The following LINGO1 variants were observed in gnomAD, a reference collection of about 807,000 sequenced individuals.
LINGO1 encodes leucine rich repeat and Ig domain containing 1, also known as leucine-rich repeat and immunoglobulin-like domain-containing nogo receptor-interacting protein 1.
LINGO1 carries 11 observed loss-of-function variants against 37.3 expected under a neutral mutation model. That is an observed-to-expected ratio of 0.29 (90% confidence interval 0.19 to 0.49). The LOEUF is 0.49. Ranked by LOEUF, LINGO1 falls within the 20% of genes least tolerant of loss-of-function variation. The pLI, the probability that LINGO1 is intolerant of heterozygous loss-of-function variation, is 0.99. For synonymous variants in LINGO1, 387 were observed against 403.0 expected (o/e 0.96, Z 0.48); for missense variants, 585 against 878.2 (o/e 0.67, Z 4.22).
At chr15:77,720,197 A>G (rs1482326005) in intron 2 of LINGO1, among the ~76,000 whole-genome samples, 1 of 132,830 alleles carries the variant, frequency 7.5e-6, no homozygotes, top group East Asian at 3.2e-4. Context: ...AGTCCCCCAC[A>G]TGTAATTTTT....
intron 1 of LINGO1, among the ~76,000 whole-genome samples, chr15:77,753,820 A>T (rs932557578): frequency 6.6e-6 from 1 of 152,244 alleles, no homozygotes; most frequent in Admixed American, 6.5e-5. Flanking sequence ...ACAGGCGTGA[A>T]GTTTGCAACA....
At position 77,614,701 on chromosome 15, in the gene LINGO1, G is replaced by A. The variant is rs768386397; in HGVS notation, c.1206C>T (p.Val402=). 6.2e-7 allele frequency: 1 copy of A among 1,610,320 alleles called. No homozygotes were observed. The highest frequency in any genetic ancestry group is 1.1e-5 in the South Asian group (1 of 90,446). Residue 402 remains valine, a synonymous_variant, in exon 2 of 2, where the codon GTC becomes GTT. Coordinates refer to ENST00000355300, the MANE Select transcript of LINGO1 (RefSeq NM_032808.7). ...GGAAGTCCTTGAACTCCTTGCCCTG[G>A]ACAAACTCGGGCGTGGCGCACGTGG... ...QQPTCATPEF[V]QGKEFKDFPD... is the part of the protein sequence containing the mutation.
At chr15:77,664,174 C>CGCGCGTGCGT (rs1555527605) in intron 3 of LINGO1, among the ~76,000 whole-genome samples, 2 of 100,380 alleles carry the variant, frequency 2.0e-5, no homozygotes, top group African/African-American at 7.4e-5. Context: ...TGTGTGTGCG[C>CGCGCGTGCGT]GCGCGCATGC....
At chr15:77,774,216 C>T (rs927422705) in intron 1 of LINGO1, among the ~76,000 whole-genome samples, 7 of 152,054 alleles carry the variant, frequency 4.6e-5, no homozygotes, top group African/African-American at 1.7e-4. Flanking sequence ...AACTCAGATC[C>T]ACAGGTGAGC....
upstream of LINGO1, among the ~76,000 whole-genome samples, chr15:77,698,733 G>C (rs28481653): frequency 0.43 from 64,723 of 152,076 alleles, 14,980 homozygotes; most frequent in African/African-American, 0.62. Context: ...TGAGGGGACA[G>C]AGATCAGGAA....
intron 3 of LINGO1, chr15:77,641,873 G>A (rs571707876): frequency 1.1e-5 from 5 of 456,630 alleles, no homozygotes; most frequent in African/African-American, 1.0e-4. Context: ...GAGGCCAGCT[G>A]GGATGCTGGG....
In LINGO1 at chr15:77,710,401, C is replaced by T. The variant is rs181525275; in HGVS notation, c.-194-19500G>A. On this transcript the variant is annotated intron_variant, in intron 2 of 3. Transcript: ENST00000561686. ...GACTTGTCCAGCAGGAACAATGGGCCACCCAGCTGGTAGAGAGTCTCGGCT... is the reference window on the plus strand; with the variant it reads ...GACTTGTCCAGCAGGAACAATGGGCTACCCAGCTGGTAGAGAGTCTCGGCT... Among the ~76,000 whole-genome samples, 405 of 152,340 alleles carry T rather than the reference C, an allele frequency of 2.7e-3. 3 individuals are homozygous for T. The highest frequency in any genetic ancestry group is 9.2e-3 in the African/African-American group (383 of 41,580).
At chr15:77,633,684 G>A (rs897931411), upstream of LINGO1, among the ~76,000 whole-genome samples, 5 of 152,226 alleles carry the variant, frequency 3.3e-5, no homozygotes, top group African/African-American at 1.2e-4. Flanking sequence ...GGGCAGCGCA[G>A]AGCCTCCGCC....
At chr15:77,758,947 C>T (rs2076447695) in intron 1 of LINGO1, among the ~76,000 whole-genome samples, 1 of 152,088 alleles carries the variant, frequency 6.6e-6, no homozygotes, top group African/African-American at 2.4e-5. Flanking sequence ...CTGAGGTGTT[C>T]CAGAGTGGGG....
At chr15:77,721,030 T>C (rs915326729) in intron 2 of LINGO1, among the ~76,000 whole-genome samples, 3 of 151,908 alleles carry the variant, frequency 2.0e-5, no homozygotes, top group African/African-American at 4.8e-5. Context: ...ACCAATACCA[T>C]GGTCTGAGCC....
chr15:77,727,071 C>G (rs576429074), intron 2 of LINGO1, among the ~76,000 whole-genome samples: 35 of 152,180 alleles, frequency 2.3e-4, no homozygotes, highest in African/African-American at 8.0e-4. Context: ...ATGGTCACTA[C>G]GGAAAGAAAA....
chr15:77,775,551 G>A (rs1252573569), intron 1 of LINGO1, among the ~76,000 whole-genome samples: 1 of 152,074 alleles, frequency 6.6e-6, no homozygotes, highest in African/African-American at 2.4e-5. Context: ...GAAAGCCTCG[G>A]CCCCAGCAGC....
At chr15:77,651,537 G>T (rs1199891570) in intron 3 of LINGO1, 2 of 152,214 alleles carry the variant, frequency 1.3e-5, no homozygotes, top group Admixed American at 6.5e-5. Flanking sequence ...TCAAGTAGTG[G>T]CTGATAACAG....
At chr15:77,751,767 G>A (rs983352474) in intron 1 of LINGO1, among the ~76,000 whole-genome samples, 1 of 152,162 alleles carries the variant, frequency 6.6e-6, no homozygotes, top group African/African-American at 2.4e-5. Flanking sequence ...GAGAAGTTAG[G>A]GAAGAAGATC....
chr15:77,616,031 C>A (rs2073708180), intron 1 of LINGO1, 131 bp from the exon 2 acceptor site: 1 of 600,030 alleles, frequency 1.7e-6, no homozygotes, highest in Admixed American at 3.4e-5. Flanking sequence ...AGGCAGGGTC[C>A]AGATGCCCAG....
intron 1 of LINGO1, among the ~76,000 whole-genome samples, chr15:77,747,452 C>G (rs1244339217): frequency 6.6e-6 from 1 of 152,240 alleles, no homozygotes; most frequent in African/African-American, 2.4e-5. Context: ...ATCACTCCCC[C>G]TGCAAGCCTC....
At chr15:77,750,710 A>G (rs1314058482) in intron 1 of LINGO1, among the ~76,000 whole-genome samples, 1 of 152,096 alleles carries the variant, frequency 6.6e-6, no homozygotes, top group Non-Finnish European at 1.5e-5. Context: ...CCTCCTTTCC[A>G]CCCAAAGATA....
rs2073770919 is a variant in LINGO1 at position 77,617,550 on chromosome 15, A to G, written c.7-1650T>C. Among the ~76,000 whole-genome samples the G allele has an allele frequency of 2.6e-5, 4 of 152,038 alleles. No homozygotes were observed. The South Asian group carries it at 8.3e-4, about 32-fold the overall frequency. On this transcript the variant is annotated intron_variant, in intron 1 of 1. Transcript: ENST00000355300. ...TGCAGGAGGGGGAAGCCCAGACCGG[A>G]TGTCCCACCTCTCCACCCTAGCTCA... is the stretch of plus-strand genomic sequence containing the variant.
chr15:77,620,609 C>A (rs577649573), intron 1 of LINGO1, among the ~76,000 whole-genome samples: 1 of 152,370 alleles, frequency 6.6e-6, no homozygotes, highest in African/African-American at 2.4e-5. Context: ...ACTTCAGTGT[C>A]CCTGAGGGTG....
Sources: allele counts gnomAD v4.1 joint callset (sites outside exome capture counted in the v4.1 genomes callset), GRCh38; gene constraint gnomAD v4.1.1; transcripts MANE v1.5; gene names NCBI Gene and HGNC (gene_info 2026-07-23, HGNC 2026-07-21).